FOXP1: variants seen among roughly 807,000 people sequenced by gnomAD.
The protein encoded by FOXP1 is forkhead box P1.
FOXP1 carries 15 observed loss-of-function variants against 98.2 expected under a neutral mutation model. The observed-to-expected ratio is 0.15, with a 90% confidence interval of 0.10 to 0.24. The LOEUF (loss-of-function observed/expected upper bound fraction) is 0.24, where lower values mean the gene tolerates loss of function less well. Ranked by LOEUF, FOXP1 falls within the 10% of genes least tolerant of loss-of-function variation. The pLI, the probability that FOXP1 is intolerant of heterozygous loss-of-function variation, is 1.00. For missense variants in FOXP1, 633 were observed against 848.5 expected (o/e 0.75, Z 3.15); for synonymous variants, 371 against 314.5 (o/e 1.18, Z -1.90).
intron 3 of FOXP1, among the ~76,000 whole-genome samples, chr3:71,417,838 T>C (rs1359131530): frequency 6.6e-6 from 1 of 152,162 alleles, no homozygotes; most frequent in African/African-American, 2.4e-5. Flanking sequence ...TTGGTCCGCA[T>C]AGCCGATTCA....
chr3:71,086,003 C>T (rs2055056569), intron 7 of FOXP1, among the ~76,000 whole-genome samples: 2 of 152,042 alleles, frequency 1.3e-5, no homozygotes, highest in Non-Finnish European at 1.5e-5. Flanking sequence ...GCTAGGATTA[C>T]AGGCGTGAGC....
intron 11 of FOXP1, among the ~76,000 whole-genome samples, chr3:71,018,335 T>C (rs2044829687): frequency 6.6e-6 from 1 of 152,196 alleles, no homozygotes; most frequent in Admixed American, 6.5e-5. Flanking sequence ...AAGAAACTCA[T>C]ACTCGTCACA....
intron 4 of FOXP1, among the ~76,000 whole-genome samples, chr3:71,309,977 G>T (rs1220441241): frequency 6.6e-6 from 1 of 152,150 alleles, no homozygotes; most frequent in Non-Finnish European, 1.5e-5. Flanking sequence ...GGCACTAAAT[G>T]GTGGGTTGTT....
rs1199330590 is a variant in FOXP1 at position 71,046,761 on chromosome 3, T to C, written c.664+181A>G. 2.6e-5 allele frequency among the ~76,000 whole-genome samples: 4 copies of C among 152,214 alleles called. No individual in the cohort carries two copies. In the East Asian group the frequency reaches 7.7e-4, roughly 29 times the overall value. On this transcript the variant is annotated intron_variant, in intron 10 of 20. Coordinates refer to ENST00000649528, the MANE Select transcript of FOXP1 (RefSeq NM_001349338.3). The stretch of plus-strand genomic sequence containing the variant: ...CTTCAGACCACCCTGAGACTTCATT[T>C]TGGCATCAACAAGCATTTCACCTTC...
At chr3:71,124,500 T>C (rs2059014698) in intron 6 of FOXP1, among the ~76,000 whole-genome samples, 1 of 152,056 alleles carries the variant, frequency 6.6e-6, no homozygotes, top group Non-Finnish European at 1.5e-5. Flanking sequence ...AAATATTTGT[T>C]ACTTATTATG....
intron 3 of FOXP1, among the ~76,000 whole-genome samples, chr3:71,362,990 T>C (rs2107923832): frequency 6.6e-6 from 1 of 152,336 alleles, no homozygotes; most frequent in East Asian, 1.9e-4. Context: ...GTCTTGTTTC[T>C]AGTCTACTAA....
At chr3:71,390,716 A>G (rs1029240807) in intron 3 of FOXP1, among the ~76,000 whole-genome samples, 1 of 152,250 alleles carries the variant, frequency 6.6e-6, no homozygotes, top group Non-Finnish European at 1.5e-5. Context: ...TCTTGCAGAC[A>G]TGGCAACTTC....
At chr3:71,428,807 G>A (rs2084403624) in intron 3 of FOXP1, among the ~76,000 whole-genome samples, 1 of 152,188 alleles carries the variant, frequency 6.6e-6, no homozygotes, top group African/African-American at 2.4e-5. Context: ...GGGGAACATT[G>A]GAAAGAAGGG....
At chr3:71,252,600 C>T (rs1362452518) in intron 5 of FOXP1, among the ~76,000 whole-genome samples, 1 of 152,214 alleles carries the variant, frequency 6.6e-6, no homozygotes, top group Non-Finnish European at 1.5e-5. Flanking sequence ...TGAGTGCCAA[C>T]TTCATGCAAG....
At chr3:71,130,287 A>G (rs1227909766) in intron 6 of FOXP1, among the ~76,000 whole-genome samples, 10 of 152,174 alleles carry the variant, frequency 6.6e-5, no homozygotes, top group Admixed American at 6.5e-4. Context: ...ACAAGAGTGA[A>G]TTAAACAAGG....
At chr3:70,963,825 G>C (rs2034134136) in intron 20 of FOXP1, among the ~76,000 whole-genome samples, 1 of 152,154 alleles carries the variant, frequency 6.6e-6, no homozygotes, top group Non-Finnish European at 1.5e-5. Flanking sequence ...GTGTTTCAAA[G>C]GACGAACGAA....
chr3:70,959,158 T>G lies in FOXP1; in HGVS notation c.*89A>C. ...AAAATCCTCCAGACTGTACAACAAA[T>G]GGAGAACAATTTCACTGCTAACTTT... On this transcript the variant is annotated 3_prime_UTR_variant, in exon 21 of 21. Coordinates refer to ENST00000649528, the MANE Select transcript of FOXP1 (RefSeq NM_001349338.3). The G allele has an allele frequency of 1.4e-6, 2 of 1,478,228 alleles. No individual in the cohort carries two copies. Among genetic ancestry groups the G allele is most frequent in the Non-Finnish European group, 1.9e-6 (2 of 1,061,982 alleles). 91.6% of individuals were successfully genotyped at this position (1,478,228 alleles called of 1,614,324 possible).
chr3:71,246,945 C>A (rs751044085), intron 5 of FOXP1, among the ~76,000 whole-genome samples: 3 of 152,152 alleles, frequency 2.0e-5, no homozygotes, highest in Non-Finnish European at 4.4e-5. Flanking sequence ...ACACAATACT[C>A]GATTTTCCAG....
intron 5 of FOXP1, among the ~76,000 whole-genome samples, chr3:71,275,571 A>G (rs2070796845): frequency 6.6e-6 from 1 of 152,260 alleles, no homozygotes. Flanking sequence ...TGATAGGTTC[A>G]GACAAGCAGG....
At chr3:71,107,813 G>T (rs1322277362) in intron 7 of FOXP1, among the ~76,000 whole-genome samples, 2 of 152,100 alleles carry the variant, frequency 1.3e-5, no homozygotes, top group Non-Finnish European at 1.5e-5. Flanking sequence ...ATTATATGCG[G>T]CATTAATGCA....
chr3:71,574,014 T>C (rs1490247696), intron 2 of FOXP1: 1 of 152,246 alleles, frequency 6.6e-6, no homozygotes, highest in Non-Finnish European at 1.5e-5. Context: ...CATTGCGCCG[T>C]CTATTCTTTC....
Position 71,554,097 on chromosome 3 carries a change from C to T in FOXP1, c.-298+27452G>A, listed in dbSNP as rs547230538. On this transcript the variant is annotated intron_variant, in intron 2 of 20. Transcript: ENST00000649528. ...ATACAGCGGCTCACACCTATAATCC[C>T]AACCTTTTGGGAGTCTCAGACAGGA... Among the ~76,000 whole-genome samples the T allele has an allele frequency of 3.3e-5, 5 of 152,286 alleles. No homozygotes were observed. In the South Asian group the frequency reaches 8.3e-4, roughly 25 times the overall value.
At chr3:71,486,894 C>T (rs1162770631) in intron 3 of FOXP1, among the ~76,000 whole-genome samples, 2 of 152,304 alleles carry the variant, frequency 1.3e-5, no homozygotes, top group Middle Eastern at 3.4e-3. Flanking sequence ...TAAATGCCTT[C>T]CTCCCTGGTA....
intron 6 of FOXP1, among the ~76,000 whole-genome samples, chr3:71,183,990 T>A (rs2062492061): frequency 2.6e-5 from 4 of 152,042 alleles, no homozygotes; most frequent in Admixed American, 2.6e-4. Context: ...CTGTCTCTAC[T>A]AAAAATAAAA....
Sources: gnomAD v4.1 joint callset for allele counts (sites outside exome capture counted in the v4.1 genomes callset) on GRCh38, gnomAD v4.1.1 for gene constraint, MANE v1.5 for transcripts, NCBI Gene and HGNC (gene_info 2026-07-23, HGNC 2026-07-21) for gene names.